Variants in NREP observed in about 807,000 individuals in gnomAD.
NREP encodes neuronal regeneration related protein, also known as neuronal regeneration-related protein.
In NREP, 5 loss-of-function variants were observed where a neutral mutation model predicts 8.6. That is an observed-to-expected ratio of 0.58 (90% CI 0.30 to 1.22). The LOEUF (loss-of-function observed/expected upper bound fraction) is 1.22, where lower values mean the gene tolerates loss of function less well. Among genes scored for constraint, NREP ranks in the 50% most tolerant of loss-of-function variants. The pLI, the probability that NREP is intolerant of heterozygous loss-of-function variation, is 0.07. For synonymous variants in NREP, 27 were observed against 28.0 expected (o/e 0.96, Z 0.11); for missense variants, 86 against 82.5 (o/e 1.04, Z -0.17).
At chr5:111,844,827 G>A (rs1274232991) in intron 2 of NREP, among the ~76,000 whole-genome samples, 1 of 150,958 alleles carries the variant, frequency 6.6e-6, no homozygotes, top group African/African-American at 2.4e-5. Context: ...CAAGGGCTAT[G>A]TGCACTTGTT....
At chr5:111,729,114 C>T (rs979848955), downstream of NREP, 7 of 152,158 alleles carry the variant, frequency 4.6e-5, no homozygotes, top group African/African-American at 1.7e-4. Context: ...TGAGCCACTG[C>T]CTAGCCCCTA....
rs562860139 is a variant in NREP at position 111,824,167 on chromosome 5, A to G, written c.136-88660T>C. On this transcript the variant is annotated intron_variant, in intron 2 of 3. Transcript: ENST00000395634. ...GGGCGGATCACGAGGTCAGGAGATC[A>G]AGGCCATCCTGGCTAACACGGTGAA... Among the ~76,000 whole-genome samples the G allele has an allele frequency of 5.9e-5, 9 of 152,240 alleles. No individual in the cohort carries two copies. The South Asian group carries it at 1.7e-3, about 28-fold the overall frequency.
intron 2 of NREP, among the ~76,000 whole-genome samples, chr5:111,744,364 T>C (rs1267103018): frequency 2.6e-5 from 4 of 152,136 alleles, no homozygotes; most frequent in African/African-American, 9.7e-5. Context: ...TGCAGATGGA[T>C]GTAATTAAAA....
chr5:111,821,173 C>CTAAG (rs1752505921), intron 2 of NREP, among the ~76,000 whole-genome samples: 1 of 152,236 alleles, frequency 6.6e-6, no homozygotes. Flanking sequence ...ACACAGCACT[C>CTAAG]CGCTGGTACC....
chr5:111,856,148 T>C (rs1218536043), intron 2 of NREP, among the ~76,000 whole-genome samples: 1 of 152,174 alleles, frequency 6.6e-6, no homozygotes, highest in Non-Finnish European at 1.5e-5. Context: ...GCGAGGATGC[T>C]GTCTGCTCAC....
rs1460260547 is a variant in NREP, at chr5:111,886,139, A to G, written c.135+89135T>C. 7.2e-5 allele frequency among the ~76,000 whole-genome samples: 11 copies of G among 152,162 alleles called. 1 individual carries two copies. The East Asian group carries it at 2.1e-3, about 29-fold the overall frequency. The stretch of plus-strand genomic sequence containing the variant: ...ACAAATTTACAAGAAAAATCAAACA[A>G]CCCCATCAAAAAGTGGGCAAAGGAC... On this transcript the variant is annotated intron_variant, in intron 2 of 3. Coordinates refer to the NREP transcript ENST00000395634.
At chr5:111,972,966 C>T (rs1756862492) in intron 2 of NREP, among the ~76,000 whole-genome samples, 1 of 152,154 alleles carries the variant, frequency 6.6e-6, no homozygotes, top group African/African-American at 2.4e-5. Context: ...CAGGAGAGCA[C>T]TAAATCAAGT....
chr5:111,814,731 A>C (rs7701160), intron 2 of NREP, among the ~76,000 whole-genome samples: 15,760 of 152,080 alleles, frequency 0.1, 2,042 homozygotes, highest in African/African-American at 0.29. Flanking sequence ...AAGCAAAGAG[A>C]CTTGGGAAGG....
At chr5:111,936,044 A>G (rs1755672592) in intron 2 of NREP, among the ~76,000 whole-genome samples, 1 of 151,568 alleles carries the variant, frequency 6.6e-6, no homozygotes, top group South Asian at 2.1e-4. Flanking sequence ...TAGATGAGTC[A>G]CTCTAATCTC....
chr5:111,846,420 C>CTTTTTTTTTTTTTTTTTTG (rs1753170585), intron 2 of NREP: 1 of 44,414 alleles, frequency 2.3e-5, no homozygotes, highest in Non-Finnish European at 4.2e-5. Context: ...TTTTTGTTTG[C>CTTTTTTTTTTTTTTTTTTG]TTTTTTTTTT....
chr5:111,757,212 A>C, upstream of NREP: 1 of 888,580 alleles, frequency 1.1e-6, no homozygotes, highest in Non-Finnish European at 1.3e-6. Flanking sequence ...AAAGGGCAAC[A>C]TGCTAGAAAG....
intron 2 of NREP, among the ~76,000 whole-genome samples, chr5:111,849,236 A>G (rs895980266): frequency 3.3e-5 from 5 of 152,104 alleles, no homozygotes; most frequent in Non-Finnish European, 7.4e-5. Flanking sequence ...GAGGAATCCA[A>G]GCAAAGTGGT....
intron 2 of NREP, among the ~76,000 whole-genome samples, chr5:111,783,884 A>G (rs1751550904): frequency 6.6e-6 from 1 of 152,208 alleles, no homozygotes; most frequent in Admixed American, 6.5e-5. Context: ...AAATGACCCT[A>G]TGCATATAGA....
chr5:111,895,466 A>G (rs563220862), intron 2 of NREP, among the ~76,000 whole-genome samples: 38 of 152,300 alleles, frequency 2.5e-4, no homozygotes, highest in African/African-American at 8.4e-4. Flanking sequence ...TGGAAAAAAA[A>G]TTAAGCAGGT....
At chr5:111,886,834 A>T (rs1263717460) in intron 2 of NREP, among the ~76,000 whole-genome samples, 1 of 150,556 alleles carries the variant, frequency 6.6e-6, no homozygotes, top group African/African-American at 2.4e-5. Flanking sequence ...GGGTTGGGGG[A>T]CGGGGGAGGG....
intron 2 of NREP, among the ~76,000 whole-genome samples, chr5:111,970,506 T>C (rs941610095): frequency 6.6e-6 from 1 of 152,078 alleles, no homozygotes; most frequent in African/African-American, 2.4e-5. Context: ...TCATCACGCA[T>C]TTCCTTGAAG....
At chr5:111,881,474 C>G (rs56219683) in intron 2 of NREP, among the ~76,000 whole-genome samples, 1,663 of 152,288 alleles carry the variant, frequency 0.011, 17 homozygotes, top group South Asian at 0.036. Context: ...TTGAAGAGAG[C>G]AGTGGTTCTC....
intron 2 of NREP, among the ~76,000 whole-genome samples, chr5:111,930,134 T>C (rs1014450267): frequency 3.3e-5 from 5 of 152,120 alleles, no homozygotes; most frequent in African/African-American, 9.7e-5. Context: ...ACTAGGCCTA[T>C]GGCCCTCAAT....
chr5:111,824,497 C>T (rs1338627510), intron 2 of NREP, among the ~76,000 whole-genome samples: 1 of 152,230 alleles, frequency 6.6e-6, no homozygotes, highest in Non-Finnish European at 1.5e-5. Context: ...AGCTAGCAAA[C>T]AGAAGCATTG....
Sources: allele counts gnomAD v4.1 joint callset (sites outside exome capture counted in the v4.1 genomes callset), GRCh38; gene constraint gnomAD v4.1.1; transcripts MANE v1.5; gene names NCBI Gene and HGNC (gene_info 2026-07-23, HGNC 2026-07-21).